The following NSL1 variants were observed in gnomAD, a reference collection of about 807,000 sequenced individuals.
NSL1 encodes the protein NSL1 component of MIS12 kinetochore complex, also known as kinetochore-associated protein NSL1 homolog.
NSL1 carries 11 observed loss-of-function variants against 25.4 expected under a neutral mutation model. The ratio of observed to expected loss-of-function variants is 0.43; its 90% CI spans 0.27 to 0.72. The LOEUF is 0.72. Ranked by LOEUF, NSL1 falls within the 30% of genes least tolerant of loss-of-function variation. NSL1 has a pLI of 0.19. For missense variants in NSL1, 330 were observed against 342.7 expected, an observed-to-expected ratio of 0.96 and a Z score of 0.29; for synonymous variants, 118 against 120.6, an observed-to-expected ratio of 0.98 and a Z score of 0.14.
chr1:212,745,136 A>AAAAC (rs751318351), intron 4 of NSL1, among the ~76,000 whole-genome samples: 5,825 of 127,848 alleles, frequency 0.046, 323 homozygotes, highest in Admixed American at 0.11. Context: ...ACTCCATCTC[A>AAAAC]AAACAAACAA....
At chr1:212,776,720 A>C (rs1350703136) in intron 4 of NSL1, among the ~76,000 whole-genome samples, 2 of 122,682 alleles carry the variant, frequency 1.6e-5, no homozygotes, top group Non-Finnish European at 3.5e-5. Flanking sequence ...AAACAAAACA[A>C]AACAACAACA....
At chr1:212,772,192 T>C (rs1558057027) in intron 4 of NSL1, among the ~76,000 whole-genome samples, 1 of 152,180 alleles carries the variant, frequency 6.6e-6, no homozygotes, top group Non-Finnish European at 1.5e-5. Flanking sequence ...CAGTGTCAGG[T>C]ATGTCTTTGT....
intron 4 of NSL1, among the ~76,000 whole-genome samples, chr1:212,777,009 C>A (rs974225049): frequency 1.3e-5 from 2 of 149,112 alleles, no homozygotes; most frequent in Non-Finnish European, 3.0e-5. Flanking sequence ...AACAAACAAA[C>A]AAAAAAATTA....
chr1:212,772,710 A>G (rs1660182523), intron 4 of NSL1, among the ~76,000 whole-genome samples: 1 of 151,916 alleles, frequency 6.6e-6, no homozygotes, highest in African/African-American at 2.4e-5. Context: ...GAAACCCTAA[A>G]ATTAGTACAA....
At chr1:212,746,702 AG>A (rs1658813695) in intron 4 of NSL1, among the ~76,000 whole-genome samples, 1 of 152,234 alleles carries the variant, frequency 6.6e-6, no homozygotes, top group South Asian at 2.1e-4. Context: ...TCCATGCCAA[AG>A]GTAAGAAACT....
intron 4 of NSL1, among the ~76,000 whole-genome samples, chr1:212,779,496 C>A (rs562908261): frequency 8.9e-6 from 1 of 112,214 alleles, no homozygotes; most frequent in South Asian, 3.4e-4. Flanking sequence ...CCGCCCCGTC[C>A]GGGAGGGAGG....
At chr1:212,762,672 C>T (rs2102455615) in intron 4 of NSL1, among the ~76,000 whole-genome samples, 1 of 152,328 alleles carries the variant, frequency 6.6e-6, no homozygotes, top group Non-Finnish European at 1.5e-5. Context: ...TCGGAGCACA[C>T]ATCCCCACCT....
At chr1:212,785,203 T>A (rs561308203) in intron 2 of NSL1, among the ~76,000 whole-genome samples, 1 of 152,176 alleles carries the variant, frequency 6.6e-6, no homozygotes, top group Non-Finnish European at 1.5e-5. Context: ...ACTGGATTGA[T>A]GGTAGGAAAA....
intron 2 of NSL1, among the ~76,000 whole-genome samples, chr1:212,786,900 G>C (rs1660969210): frequency 1.3e-5 from 2 of 152,110 alleles, no homozygotes; most frequent in Admixed American, 1.3e-4. Flanking sequence ...TGAGAACAAG[G>C]TCAGGAGCAG....
Position 212,760,580 on chromosome 1 carries a change from A to G in NSL1, c.500-20979T>C, listed in dbSNP as rs1331501012. Among the ~76,000 whole-genome samples, 1 of 151,734 alleles carries G rather than the reference A, an allele frequency of 6.6e-6. No individual in the cohort carries two copies. The highest frequency in any genetic ancestry group is 1.5e-5 in the Non-Finnish European group (1 of 67,902). ...ACCATCACCGCCAGGACCCCCCTAAATGTGCTCTGGGGGGACTGGCCAGCC... is the reference window on the plus strand; with the variant it reads ...ACCATCACCGCCAGGACCCCCCTAAGTGTGCTCTGGGGGGACTGGCCAGCC... On this transcript the variant is annotated intron_variant, in intron 4 of 5. Transcript: ENST00000366977. The surrounding 1 kb of genome is among the most constrained non-coding windows in gnomAD (Gnocchi z 4.3).
chr1:212,783,379 G>A (rs1660807305), intron 3 of NSL1, among the ~76,000 whole-genome samples: 2 of 152,016 alleles, frequency 1.3e-5, no homozygotes, highest in African/African-American at 2.4e-5. Context: ...TTTCAAGTGG[G>A]AGGGGTGGGG....
Position 212,760,715 on chromosome 1 carries a change from A to C in NSL1, c.500-21114T>G, listed in dbSNP as rs1659526056. The stretch of plus-strand genomic sequence containing the variant: ...CACCACGCATACTGCCCAGGGACTC[A>C]TGAAACCACCTGCCTGCCCATCCCA... On this transcript the variant is annotated intron_variant, in intron 4 of 5. Transcript: ENST00000366977. The surrounding 1 kb of genome is among the most constrained non-coding windows in gnomAD (Gnocchi z 4.3). Among the ~76,000 whole-genome samples the C allele has an allele frequency of 6.6e-6, 1 of 152,130 alleles. No homozygotes were observed. Among genetic ancestry groups the C allele is most frequent in the Non-Finnish European group, 1.5e-5 (1 of 68,034 alleles).
Position 212,729,284 on chromosome 1 carries a change from C to T in NSL1, c.*9124G>A, listed in dbSNP as rs1382091043. 2 of 985,426 alleles carry T rather than the reference C, an allele frequency of 2.0e-6. No homozygotes were observed. The highest frequency in any genetic ancestry group is 2.4e-6 in the Non-Finnish European group (2 of 829,916). 61.0% of individuals were successfully genotyped at this position (985,426 alleles called of 1,614,324 possible). On this transcript the variant is annotated 3_prime_UTR_variant, in exon 6 of 6. Coordinates refer to ENST00000366977, the MANE Select transcript of NSL1 (RefSeq NM_015471.4). Reference sequence around the variant, plus strand: ...TCTCCCTCAGCTCCCTCTTTTCCCTCTAATGGATCCCTAGATGCTACTGAT... The same window carrying T: ...TCTCCCTCAGCTCCCTCTTTTCCCTTTAATGGATCCCTAGATGCTACTGAT...
At chr1:212,748,796 G>A (rs1373510576) in intron 4 of NSL1, among the ~76,000 whole-genome samples, 1 of 152,084 alleles carries the variant, frequency 6.6e-6, no homozygotes, top group Non-Finnish European at 1.5e-5. Context: ...ATATGTGCTA[G>A]TTACATTTTC....
chr1:212,782,242 A>T (rs1288245533), intron 4 of NSL1, 130 bp downstream of exon 4: 1 of 731,730 alleles, frequency 1.4e-6, no homozygotes, highest in African/African-American at 1.8e-5. Context: ...GCTAAACATG[A>T]ATGACTGGTA....
At chr1:212,788,139 T>C (rs1261428038) in intron 1 of NSL1, among the ~76,000 whole-genome samples, 2 of 152,194 alleles carry the variant, frequency 1.3e-5, no homozygotes, top group Non-Finnish European at 2.9e-5. Flanking sequence ...GTAGGCCAGG[T>C]GCAGTGGCTC....
intron 5 of NSL1, 58 bp downstream of exon 5, chr1:212,739,476 C>A: frequency 1.3e-6 from 2 of 1,514,984 alleles, no homozygotes; most frequent in Non-Finnish European, 1.8e-6. Flanking sequence ...ATGTTGAATG[C>A]AAATACCTAG....
chr1:212,791,692 G>C lies in NSL1; in HGVS notation c.72C>G (p.Ser24Arg). ...WDKELAAGTE[S>R]QALVSATPRE... ...GGGGAGTGGCGGAGACCAAGGCCTG[G>C]CTCTCTGTGCCAGCCGCGAGCTCCT... is the stretch of plus-strand genomic sequence containing the variant. Residue 24 changes from serine to arginine, a missense_variant, in exon 1 of 6, where the codon AGC (serine) becomes AGG (arginine). Transcript: ENST00000366977. 1 of 1,613,946 alleles carries C rather than the reference G, an allele frequency of 6.2e-7. No homozygotes were observed. Among genetic ancestry groups the C allele is most frequent in the Non-Finnish European group, 8.5e-7 (1 of 1,180,006 alleles).
chr1:212,767,000 A>C (rs1389313163), intron 4 of NSL1, among the ~76,000 whole-genome samples: 3 of 152,216 alleles, frequency 2.0e-5, no homozygotes, highest in Non-Finnish European at 4.4e-5. Flanking sequence ...CAATATTGTG[A>C]AAATGACCAT....
Sources: gnomAD v4.1 joint callset for allele counts (sites outside exome capture counted in the v4.1 genomes callset) on GRCh38, gnomAD v4.1.1 for gene constraint, Gnocchi (gnomAD v3.1) non-coding constraint, MANE v1.5 for transcripts, NCBI Gene and HGNC (gene_info 2026-07-23, HGNC 2026-07-21) for gene names.